The following MKRN1 variants were observed in gnomAD, a reference collection of about 807,000 sequenced individuals.
MKRN1 encodes makorin ring finger protein 1, also known as E3 ubiquitin-protein ligase makorin-1.
In MKRN1, 9 loss-of-function variants were observed where a neutral mutation model predicts 55.5. The observed-to-expected ratio is 0.16, with a 90% CI of 0.10 to 0.28. The LOEUF (loss-of-function observed/expected upper bound fraction) is 0.28. Among genes scored for constraint, MKRN1 ranks in the 10% least tolerant of loss-of-function variants. The pLI is 1.00. For synonymous variants in MKRN1, 253 were observed against 235.9 expected, an observed-to-expected ratio of 1.07 and a Z score of -0.66; for missense variants, 488 against 626.7, an observed-to-expected ratio of 0.78 and a Z score of 2.36.
chr7:140,478,503 G>A (rs1192126939), intron 1 of MKRN1: 1 of 152,228 alleles, frequency 6.6e-6, no homozygotes, highest in Non-Finnish European at 1.5e-5. Flanking sequence ...GGGTGGAGAA[G>A]ACGACCCCGG....
intron 1 of MKRN1, chr7:140,473,845 A>T (rs1475053625): frequency 6.6e-6 from 1 of 151,902 alleles, no homozygotes; most frequent in Non-Finnish European, 1.5e-5. Flanking sequence ...TACAAAAATT[A>T]GCCGAGTGTG....
In MKRN1 at chr7:140,479,411, G is replaced by T. The variant is rs891953061; in HGVS notation, c.-67C>A. The T allele has an allele frequency of 1.1e-5, 14 of 1,254,766 alleles. No homozygotes were observed. The African/African-American group carries it at 2.0e-4, about 18-fold the overall frequency. 77.7% of individuals were successfully genotyped at this position (1,254,766 alleles called of 1,614,324 possible). On this transcript the variant is annotated 5_prime_UTR_variant, in exon 1 of 8. Transcript: ENST00000255977. Reference sequence around the variant, plus strand: ...ATCACATAGTTCCGGTCCGGCTGCGGGGAGAGGACGGCGAGGCCAGGCGAG... The same window carrying T: ...ATCACATAGTTCCGGTCCGGCTGCGTGGAGAGGACGGCGAGGCCAGGCGAG...
rs1794939269 is a variant in MKRN1, at chr7:140,471,932, C to G, written c.265G>C (p.Val89Leu). The change falls in exon 2 of 8, where the codon GTG becomes CTG. Residue 89 changes from valine to leucine, a missense_variant. Transcript: ENST00000255977. ...TACCCTCGCTGAAAATACTTGCACACTACACTATACGGACTGTCAGAGAGG... is the reference window on the plus strand; with the variant it reads ...TACCCTCGCTGAAAATACTTGCACAGTACACTATACGGACTGTCAGAGAGG... ...HDLSDSPYSVVCKYFQRGYCI... is the reference protein window; with the variant it reads ...HDLSDSPYSVLCKYFQRGYCI... 6.2e-7 allele frequency: 1 copy of G among 1,614,040 alleles called. No homozygotes were observed. Among genetic ancestry groups the G allele is most frequent in the Admixed American group, 1.7e-5 (1 of 60,004 alleles).
intron 2 of MKRN1, 88 bp downstream of exon 2, chr7:140,471,795 A>T: frequency 4.0e-6 from 6 of 1,503,678 alleles, no homozygotes; most frequent in Non-Finnish European, 5.4e-6. Context: ...CATTATTTTT[A>T]ATCAGTGACA....
At chr7:140,476,780 TGAACGATAAGGATCATA>T (rs1795129786) in intron 1 of MKRN1, among the ~76,000 whole-genome samples, 1 of 151,718 alleles carries the variant, frequency 6.6e-6, no homozygotes, top group African/African-American at 2.4e-5. Context: ...GAGCTCAAAG[TGAACGATAAGGATCATA>T]GACCGGGTGC....
chr7:140,456,618 G>A (rs1794473404), intron 5 of MKRN1, 34 bp downstream of exon 5: 3 of 1,605,990 alleles, frequency 1.9e-6, no homozygotes, highest in Non-Finnish European at 2.6e-6. Flanking sequence ...CCCCAAAAGA[G>A]AAAGCACAAA....
chr7:140,462,391 A>C lies in MKRN1; in HGVS notation c.315-2455T>G, dbSNP rs539801195. On this transcript the variant is annotated intron_variant, in intron 2 of 7. Transcript: ENST00000255977. ...AATTTAACTGTGCTACATAATTTAT[A>C]GTTTGTTATCAAGTGGTTCTTATAA... Among the ~76,000 whole-genome samples the C allele has an allele frequency of 5.7e-4, 87 of 152,356 alleles. 1 individual carries two copies. Among genetic ancestry groups the C allele is most frequent in the Non-Finnish European group, 1.0e-3 (71 of 68,032 alleles).
At chr7:140,455,344 C>CA in intron 6 of MKRN1, 111 bp from the exon 7 acceptor site, 1 of 1,316,292 alleles carries the variant, frequency 7.6e-7, no homozygotes, top group South Asian at 1.4e-5. Context: ...TGTCAGCTTA[C>CA]AGCCCTCCCC....
At chr7:140,460,099 A>G in intron 2 of MKRN1, 163 bp from the exon 3 acceptor site, 1 of 646,140 alleles carries the variant, frequency 1.5e-6, no homozygotes, top group Non-Finnish European at 2.7e-6. Context: ...AAACGCAAAA[A>G]TTAGCTGGGC....
intron 4 of MKRN1, among the ~76,000 whole-genome samples, chr7:140,458,013 A>G (rs1199586889): frequency 6.6e-6 from 1 of 152,192 alleles, no homozygotes; most frequent in Non-Finnish European, 1.5e-5. Flanking sequence ...TTGCTCCAAT[A>G]AAGTTAAAGT....
chr7:140,479,148 G>A lies in MKRN1; in HGVS notation c.185+12C>T, dbSNP rs570173552. Reference sequence around the variant, plus strand: ...CTCCCCGCGCCCGGCGCTCCGCCGCGCAACGTCCTACCTGCAGGTGACCTG... The same window carrying A: ...CTCCCCGCGCCCGGCGCTCCGCCGCACAACGTCCTACCTGCAGGTGACCTG... On this transcript the variant is annotated intron_variant, in intron 1 of 7. Transcript: ENST00000255977. 31 of 1,337,148 alleles carry A rather than the reference G, an allele frequency of 2.3e-5. No individual in the cohort carries two copies. The highest frequency in any genetic ancestry group is 3.9e-5 in the Admixed American group (1 of 25,568). The allele number at this position is 1,337,148 out of a possible 1,614,324, so 82.8% of individuals were successfully genotyped here. A position where few individuals can be genotyped will look rare whatever the true frequency, so the allele number is the denominator to read the frequency against.
At chr7:140,470,310 C>A (rs1161145366) in intron 2 of MKRN1, among the ~76,000 whole-genome samples, 6 of 151,900 alleles carry the variant, frequency 3.9e-5, no homozygotes, top group Non-Finnish European at 8.8e-5. Context: ...CTGGGCTAGG[C>A]ACCATGGCTC....
intron 5 of MKRN1, chr7:140,456,121 T>C: frequency 8.8e-7 from 1 of 1,141,278 alleles, no homozygotes; most frequent in Non-Finnish European, 1.1e-6. Context: ...TTCTTTTTTT[T>C]TTTTTTTGAA....
intron 1 of MKRN1, among the ~76,000 whole-genome samples, chr7:140,476,852 G>C (rs536690045): frequency 6.6e-6 from 1 of 152,032 alleles, no homozygotes; most frequent in African/African-American, 2.4e-5. Flanking sequence ...GGCTGAGGCC[G>C]GCAGATCACC....
At position 140,456,195 on chromosome 7, in the gene MKRN1, C is replaced by T. The variant is rs552570079; in HGVS notation, c.987-295G>A. ...ATTTCACACAGACTCCTTTTTCTTT[C>T]GTTTAAATAAATTTATTTCTTGTAG... On this transcript the variant is annotated intron_variant, in intron 5 of 7. Transcript: ENST00000255977. The T allele has an allele frequency of 5.2e-6, 6 of 1,157,688 alleles. No individual in the cohort carries two copies. The South Asian group carries it at 1.3e-4, about 25-fold the overall frequency. 71.7% of individuals were successfully genotyped at this position (1,157,688 alleles called of 1,614,324 possible). A position where few individuals can be genotyped will look rare whatever the true frequency, so the allele number is the denominator to read the frequency against.
intron 2 of MKRN1, among the ~76,000 whole-genome samples, chr7:140,470,280 A>G (rs1794887525): frequency 6.6e-6 from 1 of 151,244 alleles, no homozygotes; most frequent in Non-Finnish European, 1.5e-5. Context: ...TCATGAGAGT[A>G]AGACCTCTTA....
chr7:140,478,956 C>T (rs1010861447), intron 1 of MKRN1: 3 of 541,074 alleles, frequency 5.5e-6, no homozygotes, highest in South Asian at 9.3e-5. Context: ...GCGCTGAGGG[C>T]TCCGCGGCCC....
chr7:140,471,819 G>A (rs999861788), intron 2 of MKRN1, 64 bp downstream of exon 2: 2 of 1,577,006 alleles, frequency 1.3e-6, no homozygotes, highest in Non-Finnish European at 1.7e-6. Context: ...AAAGCTATCA[G>A]AAGTATGTCT....
chr7:140,479,490 G>GT lies in MKRN1; in HGVS notation c.-147dup. 1.2e-6 allele frequency: 1 copy of GT among 837,818 alleles called. No individual in the cohort carries two copies. The highest frequency in any genetic ancestry group is 1.6e-6 in the Non-Finnish European group (1 of 622,814). The allele number at this position is 837,818 out of a possible 1,614,324, so 51.9% of individuals were successfully genotyped here. ...TCGGTCCCCGCCTGCTACGCGTCGC[G>GT]TATCTGAGCGCTCTCGCCACTTCAA... On this transcript the variant is annotated 5_prime_UTR_variant, in exon 1 of 8. Coordinates refer to ENST00000255977, the MANE Select transcript of MKRN1 (RefSeq NM_013446.4).
Sources: allele counts gnomAD v4.1 joint callset (sites outside exome capture counted in the v4.1 genomes callset), GRCh38; gene constraint gnomAD v4.1.1; transcripts MANE v1.5; gene names NCBI Gene and HGNC (gene_info 2026-07-23, HGNC 2026-07-21).